GRIP1: variants seen among roughly 807,000 people sequenced by gnomAD.
GRIP1 encodes the protein glutamate receptor interacting protein 1, also known as glutamate receptor-interacting protein 1.
In GRIP1, 45 loss-of-function variants were observed where a neutral mutation model predicts 129.9. The observed-to-expected ratio is 0.35, with a 90% CI of 0.27 to 0.44. The LOEUF (loss-of-function observed/expected upper bound fraction) is 0.44. Among genes scored for constraint, GRIP1 ranks in the 20% least tolerant of loss-of-function variants. GRIP1 has a pLI of 1.00. For missense variants in GRIP1, 1,196 were observed against 1,396.8 expected (o/e 0.86, Z 2.29); for synonymous variants, 530 against 520.8 (o/e 1.02, Z -0.24).
chr12:66,975,494 T>A (rs1345803172), intron 1 of GRIP1, among the ~76,000 whole-genome samples: 2 of 152,180 alleles, frequency 1.3e-5, no homozygotes, highest in Admixed American at 6.5e-5. Flanking sequence ...TATGCAACTA[T>A]TAACAATAAA....
At chr12:66,823,750 C>CATAGAGT (rs1566039769) in intron 1 of GRIP1, among the ~76,000 whole-genome samples, 4 of 151,796 alleles carry the variant, frequency 2.6e-5, no homozygotes, top group Non-Finnish European at 5.9e-5. Context: ...TTACACCACT[C>CATAGAGT]ACAGAATTCA....
At chr12:66,460,759 A>C (rs982014948) in intron 9 of GRIP1, among the ~76,000 whole-genome samples, 1 of 152,176 alleles carries the variant, frequency 6.6e-6, no homozygotes, top group African/African-American at 2.4e-5. Flanking sequence ...ATCTTGAAAA[A>C]ACAATCAGAA....
chr12:66,400,983 G>A (rs991537773), intron 16 of GRIP1, among the ~76,000 whole-genome samples: 7 of 152,120 alleles, frequency 4.6e-5, no homozygotes, highest in African/African-American at 1.7e-4. Context: ...TTGGGGATTG[G>A]GTAGCAGCCT....
intron 23 of GRIP1, among the ~76,000 whole-genome samples, chr12:66,362,884 G>A (rs2137181451): frequency 6.6e-6 from 1 of 151,838 alleles, no homozygotes; most frequent in East Asian, 1.9e-4. Context: ...TCAGAGCTCA[G>A]ACTCTGCAAA....
In GRIP1 at chr12:66,779,635, C is replaced by T. The variant is rs181490313; in HGVS notation, c.-420+24418G>A. Among the ~76,000 whole-genome samples, 7 of 152,296 alleles carry T rather than the reference C, an allele frequency of 4.6e-5. No homozygotes were observed. In the East Asian group the frequency reaches 1.3e-3, roughly 29 times the overall value. ...TCGGGAAACCTGGATTAGTCATTCA[C>T]TTTTCATTCGTTCATTCAACCTACT... On this transcript the variant is annotated intron_variant, in intron 1 of 4. Transcript: ENST00000538373.
At chr12:66,732,538 G>A (rs879653151) in intron 1 of GRIP1, among the ~76,000 whole-genome samples, 58 of 151,272 alleles carry the variant, frequency 3.8e-4, no homozygotes, top group Admixed American at 1.1e-3. Flanking sequence ...GGGCGACACC[G>A]TCTCAAAACA....
intron 1 of GRIP1, among the ~76,000 whole-genome samples, chr12:66,897,434 TAACAA>T (rs1280084112): frequency 1.3e-5 from 2 of 152,176 alleles, no homozygotes; most frequent in African/African-American, 4.8e-5. Context: ...TCCACTAGTT[TAACAA>T]CTGCACATGC....
At chr12:66,530,445 C>T (rs1308817645) in intron 4 of GRIP1, among the ~76,000 whole-genome samples, 1 of 152,122 alleles carries the variant, frequency 6.6e-6, no homozygotes, top group African/African-American at 2.4e-5. Context: ...CCAGATGAAA[C>T]TTAGAGGGCA....
At chr12:66,827,523 G>T (rs1472524120) in intron 1 of GRIP1, among the ~76,000 whole-genome samples, 1 of 151,936 alleles carries the variant, frequency 6.6e-6, no homozygotes, top group Non-Finnish European at 1.5e-5. Flanking sequence ...TCTCACCTTT[G>T]CCCTGTTCCA....
At chr12:66,570,613 T>C (rs2062928217) in intron 2 of GRIP1, among the ~76,000 whole-genome samples, 1 of 152,188 alleles carries the variant, frequency 6.6e-6, no homozygotes, top group Admixed American at 6.5e-5. Flanking sequence ...TCTCTAAGTC[T>C]ATAATAATGC....
chr12:66,499,736 C>T (rs12822981), intron 7 of GRIP1, among the ~76,000 whole-genome samples: 23,518 of 152,196 alleles, frequency 0.15, 2,149 homozygotes, highest in Non-Finnish European at 0.21. Context: ...GGTACAATGG[C>T]TCATGCCTGT....
intron 1 of GRIP1, chr12:66,891,796 G>A (rs554074221): frequency 6.6e-6 from 1 of 152,144 alleles, no homozygotes; most frequent in Admixed American, 6.5e-5. Context: ...ATATGACTGA[G>A]GCAAATTCTT....
intron 1 of GRIP1, among the ~76,000 whole-genome samples, chr12:67,039,283 C>T (rs1175092565): frequency 2.6e-5 from 4 of 152,108 alleles, no homozygotes; most frequent in Non-Finnish European, 5.9e-5. Flanking sequence ...ATCTGAGGAA[C>T]ATGTTTAGGT....
chr12:66,658,305 CT>C (rs2033288718), intron 1 of GRIP1, among the ~76,000 whole-genome samples: 1 of 152,172 alleles, frequency 6.6e-6, no homozygotes, highest in Non-Finnish European at 1.5e-5. Context: ...TGAGGACTCT[CT>C]TCGCAGCTAG....
chr12:66,785,327 C>CATATATATATATATAT (rs1415065185), intron 1 of GRIP1, among the ~76,000 whole-genome samples: 6 of 38,504 alleles, frequency 1.6e-4, no homozygotes, highest in Admixed American at 3.8e-4. Context: ...TACATACATA[C>CATATATATATATATAT]ATACATACAT....
At chr12:66,843,478 T>C (rs751435166) in intron 1 of GRIP1, among the ~76,000 whole-genome samples, 29 of 152,216 alleles carry the variant, frequency 1.9e-4, no homozygotes, top group Admixed American at 5.9e-4. Flanking sequence ...ACTGTTGATA[T>C]TTTAATAGGG....
Position 66,638,667 on chromosome 12 carries a change from G to A in GRIP1, c.55+40183C>T, listed in dbSNP as rs573889450. Among the ~76,000 whole-genome samples, 24 of 152,202 alleles carry A rather than the reference G, an allele frequency of 1.6e-4. 1 individual carries two copies. The highest frequency in any genetic ancestry group is 3.1e-4 in the Non-Finnish European group (21 of 68,002). On this transcript the variant is annotated intron_variant, in intron 1 of 24. Coordinates refer to ENST00000359742, the MANE Select transcript of GRIP1 (RefSeq NM_001366722.1). Reference sequence around the variant, plus strand: ...GTAAGATAAACAAGAAATAAAATACGAAATCAATTTTGTCAATTTAGGCCC... The same window carrying A: ...GTAAGATAAACAAGAAATAAAATACAAAATCAATTTTGTCAATTTAGGCCC...
intron 2 of GRIP1, among the ~76,000 whole-genome samples, chr12:66,565,481 A>C (rs1320988584): frequency 6.6e-6 from 1 of 152,060 alleles, no homozygotes; most frequent in Non-Finnish European, 1.5e-5. Context: ...CCATTGGTCT[A>C]TATCTCTGTT....
intron 1 of GRIP1, among the ~76,000 whole-genome samples, chr12:67,056,851 C>T (rs1016431621): frequency 1.3e-5 from 2 of 152,134 alleles, no homozygotes; most frequent in African/African-American, 2.4e-5. Flanking sequence ...CACACTGTCA[C>T]CAAGGCTGGG....
Sources: gnomAD v4.1 joint callset for allele counts (sites outside exome capture counted in the v4.1 genomes callset) on GRCh38, gnomAD v4.1.1 for gene constraint, MANE v1.5 for transcripts, NCBI Gene and HGNC (gene_info 2026-07-23, HGNC 2026-07-21) for gene names.